ZNF267: variants seen among roughly 807,000 people sequenced by gnomAD.
The protein encoded by ZNF267 is zinc finger (C2H2).
Under a neutral mutation model 71.6 loss-of-function variants are expected in ZNF267, and 61 were observed. That is an observed-to-expected ratio of 0.85 (90% confidence interval 0.69 to 1.05). The LOEUF (loss-of-function observed/expected upper bound fraction) is 1.05. ZNF267 is among the 50% of genes least tolerant of loss of function. The pLI, the probability that ZNF267 is intolerant of heterozygous loss-of-function variation, is 0.00. For missense variants in ZNF267, 852 were observed against 870.0 expected, an observed-to-expected ratio of 0.98 and a Z score of 0.26; for synonymous variants, 288 against 293.2, an observed-to-expected ratio of 0.98 and a Z score of 0.18.
chr16:31,897,465 T>C (rs2084008250), intron 3 of ZNF267, among the ~76,000 whole-genome samples: 2 of 152,164 alleles, frequency 1.3e-5, no homozygotes, highest in Non-Finnish European at 2.9e-5. Context: ...TCATCTATAA[T>C]ACTTGTCTGT....
chr16:31,914,469 C>T lies in ZNF267; in HGVS notation c.227-7C>T. On this transcript the variant is annotated splice_polypyrimidine_tract_variant and splice_region_variant and intron_variant, in intron 3 of 3. Coordinates refer to ENST00000300870, the MANE Select transcript of ZNF267 (RefSeq NM_003414.6). The stretch of plus-strand genomic sequence containing the variant: ...ATTGGAATTCTTAAAATTTTTATAT[C>T]TTTCAGATGTGTTTTCGCATTATAA... The T allele has an allele frequency of 6.5e-7, 1 of 1,548,584 alleles. No individual in the cohort carries two copies. The highest frequency in any genetic ancestry group is 1.7e-4 in the Middle Eastern group (1 of 5,728).
At chr16:31,893,164 C>T (rs1348783069) in intron 3 of ZNF267, among the ~76,000 whole-genome samples, 2 of 152,252 alleles carry the variant, frequency 1.3e-5, no homozygotes, top group African/African-American at 4.8e-5. Flanking sequence ...GGCTCAACAC[C>T]ACGTGAAAGC....
intron 1 of ZNF267, among the ~76,000 whole-genome samples, chr16:31,881,707 C>G (rs886529159): frequency 1.5e-5 from 2 of 137,196 alleles, no homozygotes; most frequent in Non-Finnish European, 1.5e-5. Context: ...GAATCTCACT[C>G]TGTTGCCTAG....
chr16:31,891,078 G>A (rs1274785407), intron 3 of ZNF267, among the ~76,000 whole-genome samples: 1 of 151,420 alleles, frequency 6.6e-6, no homozygotes, highest in East Asian at 1.9e-4. Flanking sequence ...TTTATGTTTT[G>A]ATGGCTTTTT....
intron 3 of ZNF267, among the ~76,000 whole-genome samples, chr16:31,899,941 T>C (rs765369858): frequency 4.5e-4 from 69 of 152,212 alleles, no homozygotes; most frequent in Non-Finnish European, 8.5e-4. Flanking sequence ...TTTTTAGAAA[T>C]TAATCTAGCT....
intron 1 of ZNF267, among the ~76,000 whole-genome samples, chr16:31,877,881 AC>A (rs1802148326): frequency 6.6e-6 from 1 of 152,142 alleles, no homozygotes; most frequent in Non-Finnish European, 1.5e-5. Flanking sequence ...CCTTATGATA[AC>A]CTGATAAACA....
chr16:31,915,771 A>C lies in ZNF267; in HGVS notation c.1522A>C (p.Thr508Pro). 1 of 1,613,350 alleles carries C rather than the reference A, an allele frequency of 6.2e-7. No homozygotes were observed. ...AGTCTTTAGCCGTAGTTCTTGCCTT[A>C]CTCAACATCGGAAAATTCATACTGG... ...GKVFSRSSCL[T>P]QHRKIHTGEN... Residue 508 changes from threonine to proline, a missense_variant, in exon 4 of 4, where the codon ACT (threonine) becomes CCT (proline). Physicochemically the swap from Thr to Pro is conservative, Grantham distance 38 (BLOSUM62 -1). Coordinates refer to ENST00000300870, the MANE Select transcript of ZNF267 (RefSeq NM_003414.6).
At chr16:31,898,861 G>T (rs910428571) in intron 3 of ZNF267, among the ~76,000 whole-genome samples, 2 of 151,944 alleles carry the variant, frequency 1.3e-5, no homozygotes, top group African/African-American at 4.8e-5. Flanking sequence ...CCAAGCAGAT[G>T]GAAAGCAAAA....
intron 3 of ZNF267, 96 bp from the exon 4 acceptor site, chr16:31,914,380 G>A (rs1164949399): frequency 6.2e-6 from 7 of 1,134,274 alleles, no homozygotes; most frequent in Non-Finnish European, 8.5e-6. Flanking sequence ...AACTGTTGTT[G>A]TATTCTCAAC....
intron 1 of ZNF267, among the ~76,000 whole-genome samples, chr16:31,879,411 A>T (rs903561992): frequency 6.6e-6 from 1 of 152,240 alleles, no homozygotes; most frequent in African/African-American, 2.4e-5. Context: ...TAATTATGTC[A>T]TAAAACAGTT....
At position 31,916,129 on chromosome 16, in the gene ZNF267, C is replaced by CT. The variant is rs1454403347; in HGVS notation, c.1881dup (p.Gly628TrpfsTer8). On this transcript the variant is annotated frameshift_variant, in exon 4 of 4. Coordinates refer to ENST00000300870, the MANE Select transcript of ZNF267 (RefSeq NM_003414.6). LOFTEE classifies it high-confidence loss of function. The stretch of plus-strand genomic sequence containing the variant: ...GTTATTCAGCATCGGAGAATTCATA[C>CT]TGGCCAGAGACCCTACAAATGTGAA... The CT allele has an allele frequency of 6.2e-7, 1 of 1,614,046 alleles. No homozygotes were observed. The highest frequency in any genetic ancestry group is 8.5e-7 in the Non-Finnish European group (1 of 1,180,036).
intron 1 of ZNF267, among the ~76,000 whole-genome samples, chr16:31,880,846 A>G (rs1353587489): frequency 1.3e-5 from 2 of 152,200 alleles, no homozygotes; most frequent in East Asian, 1.9e-4. Flanking sequence ...TCCATTTCAT[A>G]TGGCCACTAG....
At chr16:31,875,187 T>C (rs1371347690) in intron 1 of ZNF267, 1 of 1,289,086 alleles carries the variant, frequency 7.8e-7, no homozygotes, top group Non-Finnish European at 1.0e-6. Context: ...AGTCTTTTCC[T>C]GTTCCTGAAT....
chr16:31,874,283 CAG>C (rs1234850379), intron 1 of ZNF267: 1 of 325,064 alleles, frequency 3.1e-6, no homozygotes, highest in Non-Finnish European at 5.7e-6. Flanking sequence ...GGGAGCGTCT[CAG>C]GGGAGACCCA....
At chr16:31,907,863 C>A (rs150406179) in intron 3 of ZNF267, among the ~76,000 whole-genome samples, 5,861 of 151,300 alleles carry the variant, frequency 0.039, 355 homozygotes, top group African/African-American at 0.13. Context: ...GATGAAACCC[C>A]GTCTCTACTA....
intron 3 of ZNF267, among the ~76,000 whole-genome samples, chr16:31,900,017 C>T (rs891694863): frequency 7.2e-5 from 11 of 151,926 alleles, no homozygotes; most frequent in Non-Finnish European, 1.5e-4. Flanking sequence ...CACACATACA[C>T]ACACACAATG....
Position 31,915,887 on chromosome 16 carries a change from A to G in ZNF267, c.1638A>G (p.Lys546=), listed in dbSNP as rs911299636. ...ATGAGAGAATTCATACTGGAGAGAAACCCTATAAATGTAAAGAATGTGGCA... is the reference window on the plus strand; with the variant it reads ...ATGAGAGAATTCATACTGGAGAGAAGCCCTATAAATGTAAAGAATGTGGCA... ...IVHERIHTGE[K]PYKCKECGKA... Residue 546 remains lysine, a synonymous_variant, in exon 4 of 4, where the codon AAA becomes AAG. Coordinates refer to ENST00000300870, the MANE Select transcript of ZNF267 (RefSeq NM_003414.6). 6.2e-7 allele frequency: 1 copy of G among 1,613,650 alleles called. No individual in the cohort carries two copies. The highest frequency in any genetic ancestry group is 1.3e-5 in the African/African-American group (1 of 74,900).
chr16:31,915,706 A>G lies in ZNF267; in HGVS notation c.1457A>G (p.His486Arg), dbSNP rs765637763. The G allele has an allele frequency of 3.2e-5, 52 of 1,613,570 alleles. No homozygotes were observed. Among genetic ancestry groups the G allele is most frequent in the Non-Finnish European group, 4.2e-5 (50 of 1,179,964 alleles). Residue 486 changes from histidine (H) to arginine (R), a missense_variant, in exon 4 of 4, where the codon CAT becomes CGT. Transcript: ENST00000300870. ...SSNLIMHQRVHTGEKPYKCKE... is the reference protein window; with the variant it reads ...SSNLIMHQRVRTGEKPYKCKE... Reference sequence around the variant, plus strand: ...AATCTTATTATGCATCAGAGAGTTCATACTGGAGAGAAGCCTTATAAATGT... The same window carrying G: ...AATCTTATTATGCATCAGAGAGTTCGTACTGGAGAGAAGCCTTATAAATGT...
intron 1 of ZNF267, chr16:31,875,046 A>G (rs747374576): frequency 5.5e-6 from 6 of 1,087,892 alleles, no homozygotes; most frequent in Non-Finnish European, 7.4e-6. Flanking sequence ...CTGACACTCC[A>G]CTGCAAAAAA....
Sources: allele counts gnomAD v4.1 joint callset (sites outside exome capture counted in the v4.1 genomes callset), GRCh38; gene constraint gnomAD v4.1.1; transcripts MANE v1.5; gene names NCBI Gene and HGNC (gene_info 2026-07-23, HGNC 2026-07-21).